Variants in DIP2C observed in about 807,000 individuals in gnomAD.
DIP2C encodes DIP2 acetate--CoA ligase C (putative).
In DIP2C, 33 loss-of-function variants were observed where a neutral mutation model predicts 192.4. That is an observed-to-expected ratio of 0.17 (90% confidence interval 0.13 to 0.23). DIP2C has a LOEUF of 0.23. Ranked by LOEUF, DIP2C falls within the 10% of genes least tolerant of loss-of-function variation. The probability of loss-of-function intolerance (pLI) is 1.00; values close to 1 mark genes in which losing one functional copy is unlikely to be tolerated. For missense variants in DIP2C, 1,537 were observed against 2,110.1 expected (o/e 0.73, Z 5.32); for synonymous variants, 979 against 864.1 (o/e 1.13, Z -2.33).
At chr10:592,174 T>G (rs549552321) in intron 1 of DIP2C, among the ~76,000 whole-genome samples, 390 of 152,304 alleles carry the variant, frequency 2.6e-3, no homozygotes, top group Middle Eastern at 0.01. Flanking sequence ...CATATTAATA[T>G]AAAGTGAATT....
At chr10:509,532 C>G (rs1845868182) in intron 1 of DIP2C, among the ~76,000 whole-genome samples, 1 of 152,212 alleles carries the variant, frequency 6.6e-6, no homozygotes, top group African/African-American at 2.4e-5. Context: ...AACTCACACA[C>G]AGCCCATTCC....
At chr10:674,783 T>TAGAG (rs1389637055) in intron 1 of DIP2C, among the ~76,000 whole-genome samples, 11 of 96,610 alleles carry the variant, frequency 1.1e-4, no homozygotes, top group African/African-American at 6.3e-4. Context: ...TATATATATA[T>TAGAG]ATATATAGAG....
At chr10:420,240 G>A (rs933762499) in intron 5 of DIP2C, among the ~76,000 whole-genome samples, 3 of 152,256 alleles carry the variant, frequency 2.0e-5, no homozygotes, top group Admixed American at 1.3e-4. Flanking sequence ...GGACACAGAA[G>A]ATCGAGGCAC....
intron 1 of DIP2C, among the ~76,000 whole-genome samples, chr10:669,962 T>TATGA (rs1857342412): frequency 6.6e-6 from 1 of 152,200 alleles, no homozygotes; most frequent in Non-Finnish European, 1.5e-5. Flanking sequence ...TGATATCGAA[T>TATGA]GTTCATCTTT....
At chr10:300,627 C>T (rs1304934488) in intron 32 of DIP2C, among the ~76,000 whole-genome samples, 1 of 142,454 alleles carries the variant, frequency 7.0e-6, no homozygotes, top group Non-Finnish European at 1.5e-5. Context: ...GGAACCCAGG[C>T]GCGGCCCTGA....
At chr10:504,234 T>A (rs1845435174) in intron 1 of DIP2C, among the ~76,000 whole-genome samples, 1 of 152,072 alleles carries the variant, frequency 6.6e-6, no homozygotes, top group South Asian at 2.1e-4. Context: ...TGTGCAAAAA[T>A]CAGTTCCAAC....
chr10:629,684 G>T (rs907331250), intron 1 of DIP2C, among the ~76,000 whole-genome samples: 1 of 152,158 alleles, frequency 6.6e-6, no homozygotes, highest in South Asian at 2.1e-4. Context: ...CGCGCTGGGG[G>T]AAGGAAGCCC....
chr10:349,298 ATC>A, intron 25 of DIP2C, 31 bp downstream of exon 25: 1 of 1,587,476 alleles, frequency 6.3e-7, no homozygotes, highest in Non-Finnish European at 8.6e-7. Context: ...CCGGCTTGCC[ATC>A]TCTCAGGGGA....
At chr10:339,556 G>T (rs969825029) in intron 29 of DIP2C, among the ~76,000 whole-genome samples, 1 of 152,152 alleles carries the variant, frequency 6.6e-6, no homozygotes, top group Non-Finnish European at 1.5e-5. Flanking sequence ...GGCTTCCATC[G>T]GCTGGCTTCA....
intron 1 of DIP2C, among the ~76,000 whole-genome samples, chr10:597,080 G>A (rs1357637045): frequency 1.3e-5 from 2 of 152,160 alleles, no homozygotes; most frequent in East Asian, 3.9e-4. Flanking sequence ...CAGTGTAGGG[G>A]GCACCACCCT....
At chr10:418,817 T>A (rs1965977902) in intron 6 of DIP2C, among the ~76,000 whole-genome samples, 2 of 152,256 alleles carry the variant, frequency 1.3e-5, no homozygotes, top group Non-Finnish European at 2.9e-5. Flanking sequence ...AATTTCTTTT[T>A]CTTCTCATGA....
Position 413,974 on chromosome 10 carries a change from G to C in DIP2C, c.996C>G (p.Pro332=). The stretch of plus-strand genomic sequence containing the variant: ...CCATGGTGGTCAGGCAGGGCGCCTT[G>C]GGCGAGATGGTGCCCCACCTCTGCA... ...AALQRWGTIS[P]KAPCLTTMDT... Residue 332 remains proline, a synonymous_variant, in exon 8 of 37, where the codon CCC becomes CCG. Coordinates refer to ENST00000280886, the MANE Select transcript of DIP2C (RefSeq NM_014974.3). 6.2e-7 allele frequency: 1 copy of C among 1,614,218 alleles called. No homozygotes were observed. The highest frequency in any genetic ancestry group is 8.5e-7 in the Non-Finnish European group (1 of 1,180,034).
chr10:588,456 A>AG (rs1022559318), intron 1 of DIP2C, among the ~76,000 whole-genome samples: 2 of 152,224 alleles, frequency 1.3e-5, no homozygotes, highest in Admixed American at 1.3e-4. Context: ...GCACTGGGTG[A>AG]GGTGAGCACT....
At chr10:561,452 TGA>T (rs1036279509) in intron 1 of DIP2C, among the ~76,000 whole-genome samples, 11 of 152,296 alleles carry the variant, frequency 7.2e-5, no homozygotes, top group East Asian at 5.8e-4. Context: ...GCCTCTCATT[TGA>T]GAGTCTCAGC....
chr10:575,922 C>G (rs916982207), intron 1 of DIP2C, among the ~76,000 whole-genome samples: 2 of 152,220 alleles, frequency 1.3e-5, no homozygotes, highest in African/African-American at 4.8e-5. Context: ...TGAGCTCGCA[C>G]TTTCAGGATT....
At chr10:555,068 T>G (rs1406119696) in intron 1 of DIP2C, among the ~76,000 whole-genome samples, 1 of 152,172 alleles carries the variant, frequency 6.6e-6, no homozygotes, top group Non-Finnish European at 1.5e-5. Flanking sequence ...ATCATGTTTA[T>G]CACAACTAAT....
intron 1 of DIP2C, among the ~76,000 whole-genome samples, chr10:486,838 C>T (rs912044285): frequency 3.2e-4 from 49 of 152,344 alleles, no homozygotes; most frequent in African/African-American, 1.0e-3. Flanking sequence ...CACAGGAAGC[C>T]AAGCCTGGTG....
chr10:474,139 T>A (rs2133453928), intron 2 of DIP2C, among the ~76,000 whole-genome samples: 1 of 152,294 alleles, frequency 6.6e-6, no homozygotes, highest in South Asian at 2.1e-4. Context: ...TTTTAGGAAA[T>A]CAAAGAGTAT....
chr10:568,945 G>A (rs1315533677), intron 1 of DIP2C, among the ~76,000 whole-genome samples: 1 of 152,116 alleles, frequency 6.6e-6, no homozygotes, highest in Non-Finnish European at 1.5e-5. Flanking sequence ...CTGCAACAAG[G>A]AGGAAATGAA....
Sources: gnomAD v4.1 joint callset for allele counts (sites outside exome capture counted in the v4.1 genomes callset) on GRCh38, gnomAD v4.1.1 for gene constraint, MANE v1.5 for transcripts, NCBI Gene and HGNC (gene_info 2026-07-23, HGNC 2026-07-21) for gene names.